The following NEB variants were observed in gnomAD, a reference collection of about 807,000 sequenced individuals.
NEB encodes the protein nebulin.
A neutral mutation model predicts 952.2 loss-of-function variants in NEB; 512 were observed. The ratio of observed to expected loss-of-function variants is 0.54; its 90% CI spans 0.50 to 0.58. NEB has a LOEUF of 0.58. Ranked by LOEUF, NEB falls within the 20% of genes least tolerant of loss-of-function variation. The probability of loss-of-function intolerance (pLI) is 0.00; values close to 1 mark genes in which losing one functional copy is unlikely to be tolerated. For synonymous variants in NEB, 2,900 were observed against 3,149.8 expected (o/e 0.92, Z 2.66); for missense variants, 8,428 against 9,231.1 (o/e 0.91, Z 3.56).
In NEB at chr2:151,497,613, C is replaced by A; in HGVS notation, c.24300+13G>T. The A allele has an allele frequency of 6.4e-7, 1 of 1,555,748 alleles. No homozygotes were observed. The highest frequency in any genetic ancestry group is 1.7e-4 in the Middle Eastern group (1 of 5,988). Reference sequence around the variant, plus strand: ...ATTAAATAAGTAGTTTTTTTCTTTTCTTGCCAAAGTACCGAGCTAATATTT... The same window carrying A: ...ATTAAATAAGTAGTTTTTTTCTTTTATTGCCAAAGTACCGAGCTAATATTT... On this transcript the variant is annotated intron_variant, in intron 171 of 181. Transcript: ENST00000397345.
chr2:151,722,628 C>T (rs941366378), intron 9 of NEB, among the ~76,000 whole-genome samples: 7 of 152,160 alleles, frequency 4.6e-5, no homozygotes, highest in Non-Finnish European at 8.8e-5. Context: ...ACTGCAGCCT[C>T]GACCTCCTGG....
intron 68 of NEB, among the ~76,000 whole-genome samples, chr2:151,628,173 G>A (rs1049622113): frequency 2.6e-5 from 4 of 152,186 alleles, no homozygotes; most frequent in African/African-American, 9.7e-5. Flanking sequence ...TTTCGGTACT[G>A]TGTACTGCCA....
chr2:151,679,894 C>G (rs775956625), intron 31 of NEB, 24 bp downstream of exon 31: 12 of 1,605,218 alleles, frequency 7.5e-6, no homozygotes, highest in Non-Finnish European at 9.4e-6. Flanking sequence ...ACATACGCAT[C>G]AGCCCGTGAG....
In NEB at chr2:151,684,831, G is replaced by T. The variant is rs770678983; in HGVS notation, c.2782C>A (p.Pro928Thr). 3.7e-6 allele frequency: 6 copies of T among 1,613,228 alleles called. No individual in the cohort carries two copies. The highest frequency in any genetic ancestry group is 4.2e-6 in the Non-Finnish European group (5 of 1,179,592). Residue 928 changes from proline (P) to threonine (T), a missense_variant, in exon 28 of 182, where the codon CCT (proline) becomes ACT (threonine). By Grantham distance (38) the Pro-to-Thr change is conservative (BLOSUM62 -1). Coordinates refer to ENST00000397345, the MANE Select transcript of NEB (RefSeq NM_001164508.2). ...KHILHSYSYP[P>T]DSINVDLAKK... is the part of the protein sequence containing the mutation. ...GCAAGGTCCACATTGATGCTATCAGGGGGGTAGCTGTAACTGTGTAAGATG... is the reference window on the plus strand; with the variant it reads ...GCAAGGTCCACATTGATGCTATCAGTGGGGTAGCTGTAACTGTGTAAGATG...
At chr2:151,619,407 C>G in intron 73 of NEB, 44 bp downstream of exon 73, 1 of 1,534,048 alleles carries the variant, frequency 6.5e-7, no homozygotes, top group Non-Finnish European at 8.8e-7. Context: ...AGACACGTTT[C>G]AGATCCGCTT....
chr2:151,698,683 G>C (rs113127297), intron 13 of NEB, among the ~76,000 whole-genome samples: 1 of 147,322 alleles, frequency 6.8e-6, no homozygotes, highest in Non-Finnish European at 1.5e-5. Flanking sequence ...TGTTGCCCAG[G>C]CTGGAGTGCA....
chr2:151,522,884 A>C (rs781560942), intron 153 of NEB, among the ~76,000 whole-genome samples: 1 of 152,162 alleles, frequency 6.6e-6, no homozygotes, highest in Non-Finnish European at 1.5e-5. Context: ...AAGCCCACAC[A>C]CAGCTGAAGC....
At chr2:151,555,871 T>TA (rs59427070) in intron 124 of NEB, among the ~76,000 whole-genome samples, 84,262 of 144,072 alleles carry the variant, frequency 0.58, 24,528 homozygotes, top group East Asian at 0.72. Flanking sequence ...AAGGCACCGT[T>TA]AAAAAAAAAA....
intron 138 of NEB, among the ~76,000 whole-genome samples, chr2:151,539,676 A>G (rs1283102897): frequency 6.6e-6 from 1 of 152,208 alleles, no homozygotes; most frequent in Non-Finnish European, 1.5e-5. Context: ...TCACTACTTC[A>G]CATCTTCATT....
At chr2:151,676,745 A>C (rs1191750151) in intron 34 of NEB, among the ~76,000 whole-genome samples, 7 of 152,168 alleles carry the variant, frequency 4.6e-5, no homozygotes, top group Admixed American at 3.9e-4. Flanking sequence ...CCTTGTATTT[A>C]ACATTTTCCT....
chr2:151,486,173 C>T, intron 181 of NEB: 1 of 451,694 alleles, frequency 2.2e-6, no homozygotes, highest in South Asian at 3.7e-5. Flanking sequence ...TGCCTTCCCC[C>T]ACCAAAAGAG....
chr2:151,581,701 T>G, intron 102 of NEB, 114 bp from the exon 103 acceptor site: 1 of 1,183,732 alleles, frequency 8.4e-7, no homozygotes, highest in Non-Finnish European at 1.2e-6. Flanking sequence ...GAAAAAAATT[T>G]TAAGTGAATT....
Position 151,491,737 on chromosome 2 carries a change from C to G in NEB, c.25096G>C (p.Asp8366His). 2 of 1,597,504 alleles carry G rather than the reference C, an allele frequency of 1.3e-6. No individual in the cohort carries two copies. Among genetic ancestry groups the G allele is most frequent in the Non-Finnish European group, 1.7e-6 (2 of 1,171,504 alleles). Residue 8366 changes from aspartate (D) to histidine (H), a missense_variant, in exon 179 of 182, where the codon GAC (aspartate) becomes CAC (histidine). By Grantham distance (81) the Asp-to-His change is moderately conservative (BLOSUM62 -1). Transcript: ENST00000397345. ...VWRTNPGSVFDYDPAEDNIQS... is the reference protein window; with the variant it reads ...VWRTNPGSVFHYDPAEDNIQS... ...ATGTTGTCTTCTGCTGGATCATAGTCAAAAACCGAACCAGGATTAGTACGC... is the reference window on the plus strand; with the variant it reads ...ATGTTGTCTTCTGCTGGATCATAGTGAAAAACCGAACCAGGATTAGTACGC...
At chr2:151,715,032 A>T (rs139042849) in intron 10 of NEB, among the ~76,000 whole-genome samples, 19 of 152,338 alleles carry the variant, frequency 1.2e-4, no homozygotes, top group Non-Finnish European at 2.5e-4. Context: ...AAATAATGTC[A>T]CCATGGCCAA....
At chr2:151,485,983 A>G (rs917471345) in intron 181 of NEB, 50 bp from the exon 182 acceptor site, 4 of 1,560,778 alleles carry the variant, frequency 2.6e-6, no homozygotes, top group Non-Finnish European at 3.5e-6. Flanking sequence ...GATTTGCAAC[A>G]GTTAACACAC....
At chr2:151,709,892 A>G (rs1375909558) in intron 11 of NEB, 129 bp from the exon 12 acceptor site, 9 of 664,436 alleles carry the variant, frequency 1.4e-5, no homozygotes, top group Middle Eastern at 4.9e-4. Context: ...TGGTCAGATT[A>G]CAATTAGAGA....
Position 151,491,665 on chromosome 2 carries a change from CTT to C in NEB, c.25150+16_25150+17del, listed in dbSNP as rs1222356448. The C allele has an allele frequency of 3.2e-6, 5 of 1,547,388 alleles. No homozygotes were observed. The highest frequency in any genetic ancestry group is 3.5e-6 in the Non-Finnish European group (4 of 1,135,364). ...AAATGGTGATGTTTATGTTGTAAGC[CTT>C]TTTCAGCTAACACACCATTAATCAT... On this transcript the variant is annotated intron_variant, in intron 179 of 181. Coordinates refer to ENST00000397345, the MANE Select transcript of NEB (RefSeq NM_001164508.2).
At position 151,493,405 on chromosome 2, in the gene NEB, G is replaced by A. The variant is rs2058049921; in HGVS notation, c.24713C>T (p.Pro8238Leu). 1.2e-6 allele frequency: 2 copies of A among 1,609,334 alleles called. No individual in the cohort carries two copies. Among genetic ancestry groups the A allele is most frequent in the Admixed American group, 3.4e-5 (2 of 59,068 alleles). The change falls in exon 176 of 182, where the codon CCT (proline) becomes CTT (leucine). Residue 8238 changes from proline (P) to leucine (L), a missense_variant. Physicochemically the swap from Pro to Leu is moderately conservative, Grantham distance 98. Transcript: ENST00000397345. ...AGCTCTCTCCATCTCTGGAGTAACA[G>A]GTGTCGGAGTTGCTTTTCTCATGTT... ...KENMRKATPT[P>L]VTPEMERAKR...
intron 105 of NEB, among the ~76,000 whole-genome samples, chr2:151,577,706 G>A (rs1399330190): frequency 6.6e-6 from 1 of 152,118 alleles, no homozygotes; most frequent in Non-Finnish European, 1.5e-5. Context: ...AGCCTCCTGT[G>A]TAGCTGGGAT....
Sources: gnomAD v4.1 joint callset for allele counts (sites outside exome capture counted in the v4.1 genomes callset) on GRCh38, gnomAD v4.1.1 for gene constraint, MANE v1.5 for transcripts, NCBI Gene and HGNC (gene_info 2026-07-23, HGNC 2026-07-21) for gene names.